The following SCAPER variants were observed in gnomAD, a reference collection of about 807,000 sequenced individuals.
The protein encoded by SCAPER is S-phase cyclin A associated protein in the ER, also known as S phase cyclin A-associated protein in the endoplasmic reticulum.
In SCAPER, 98 loss-of-function variants were observed where a neutral mutation model predicts 182.2. The ratio of observed to expected loss-of-function variants is 0.54; its 90% CI spans 0.46 to 0.64. The LOEUF (loss-of-function observed/expected upper bound fraction) is 0.64, where lower values mean the gene tolerates loss of function less well. Among genes scored for constraint, SCAPER ranks in the 30% least tolerant of loss-of-function variants. SCAPER has a pLI of 0.00. For synonymous variants in SCAPER, 605 were observed against 564.6 expected, an observed-to-expected ratio of 1.07 and a Z score of -1.01; for missense variants, 1,432 against 1,690.0, an observed-to-expected ratio of 0.85 and a Z score of 2.68.
chr15:76,664,064 A>G (rs280022), intron 21 of SCAPER, among the ~76,000 whole-genome samples: 147,863 of 152,254 alleles, frequency 0.97, 71,931 homozygotes, highest in South Asian at 1. Context: ...ACCTGAAGGA[A>G]GCAAGGAAGC....
rs368625263 is a variant in SCAPER at position 76,874,889 on chromosome 15, G to C, written c.6+8923C>G. Among the ~76,000 whole-genome samples, 368 of 152,288 alleles carry C rather than the reference G, an allele frequency of 2.4e-3. 2 individuals carry two copies. Among genetic ancestry groups the C allele is most frequent in the African/African-American group, 8.4e-3 (350 of 41,558 alleles). On this transcript the variant is annotated intron_variant, in intron 2 of 31. Transcript: ENST00000563290. ...AAGGCAGGAGGATCACTGGAGCCCA[G>C]GAGTTCAAGGTTTCAGTGAGCTATG...
chr15:76,727,129 A>T (rs954556363), intron 17 of SCAPER, among the ~76,000 whole-genome samples: 1 of 152,100 alleles, frequency 6.6e-6, no homozygotes, highest in South Asian at 2.1e-4. Context: ...GACCTAAATC[A>T]GTAGAAAAAC....
At chr15:76,857,289 C>T (rs190820608) in intron 4 of SCAPER, among the ~76,000 whole-genome samples, 3 of 151,964 alleles carry the variant, frequency 2.0e-5, no homozygotes, top group East Asian at 1.9e-4. Context: ...AAAAATTAGC[C>T]GGGCATGGTG....
chr15:76,520,268 G>C (rs2042741270), intron 23 of SCAPER, among the ~76,000 whole-genome samples: 1 of 152,068 alleles, frequency 6.6e-6, no homozygotes, highest in African/African-American at 2.4e-5. Context: ...ACCCAAGCTG[G>C]AGTGCAGTGG....
intron 11 of SCAPER, 150 bp downstream of exon 11, chr15:76,766,768 C>A: frequency 1.6e-6 from 1 of 628,878 alleles, no homozygotes; most frequent in South Asian, 2.5e-5. Flanking sequence ...GTCTAAATCA[C>A]CCTGAGAATA....
At chr15:76,671,799 A>C (rs2057036810) in intron 20 of SCAPER, among the ~76,000 whole-genome samples, 1 of 151,994 alleles carries the variant, frequency 6.6e-6, no homozygotes, top group Non-Finnish European at 1.5e-5. Flanking sequence ...GGGTGGACAA[A>C]CTACCATCAG....
intron 8 of SCAPER, among the ~76,000 whole-genome samples, chr15:76,793,700 T>A (rs1329999628): frequency 2.6e-4 from 39 of 152,228 alleles, no homozygotes; most frequent in Non-Finnish European, 4.4e-5. Context: ...TTCTTTATAA[T>A]AAACTGATAA....
At chr15:76,686,960 A>G (rs1020114030) in intron 20 of SCAPER, among the ~76,000 whole-genome samples, 1 of 152,182 alleles carries the variant, frequency 6.6e-6, no homozygotes, top group Non-Finnish European at 1.5e-5. Flanking sequence ...AGGTTTGCAT[A>G]TTAATACCAG....
chr15:76,618,347 T>C lies in SCAPER; in HGVS notation c.2711+3417A>G, dbSNP rs534809740. Among the ~76,000 whole-genome samples the C allele has an allele frequency of 7.2e-5, 11 of 152,338 alleles. No homozygotes were observed. In the East Asian group the frequency reaches 2.1e-3, roughly 29 times the overall value. On this transcript the variant is annotated intron_variant, in intron 22 of 31. Coordinates refer to ENST00000563290, the MANE Select transcript of SCAPER (RefSeq NM_020843.4). ...AGTGCAGCTTTAAAATTTTATTAAA[T>C]ATCCATTAGCTGAGTCCTATCTCAT...
At chr15:76,720,765 T>C (rs1451095665) in intron 17 of SCAPER, among the ~76,000 whole-genome samples, 1 of 152,218 alleles carries the variant, frequency 6.6e-6, no homozygotes, top group Admixed American at 6.5e-5. Context: ...TGCCCACTTT[T>C]TGATGGGGTT....
rs2066011920 is a variant in SCAPER at position 76,804,593 on chromosome 15, T to C, written c.434A>G (p.Lys145Arg). 6.2e-7 allele frequency: 1 copy of C among 1,611,562 alleles called. No individual in the cohort carries two copies. The highest frequency in any genetic ancestry group is 1.1e-5 in the South Asian group (1 of 90,886). ...MMLDNYVRDFKALIDWIQLQE... is the reference protein window; with the variant it reads ...MMLDNYVRDFRALIDWIQLQE... Reference sequence around the variant, plus strand: ...AAGCTGAATCCAGTCAATCAATGCTTTGAAATCTCTTACATAGTTATCCAG... The same window carrying C: ...AAGCTGAATCCAGTCAATCAATGCTCTGAAATCTCTTACATAGTTATCCAG... Residue 145 changes from lysine (K) to arginine (R), a missense_variant, in exon 6 of 32, where the codon AAA becomes AGA. Physicochemically the swap from Lys to Arg is conservative, Grantham distance 26. Around this residue, in one of 5 missense-constraint regions of SCAPER, gnomAD observed 480 missense variants for 510.2 expected, o/e 0.94. Coordinates refer to ENST00000563290, the MANE Select transcript of SCAPER (RefSeq NM_020843.4).
chr15:76,397,767 G>A (rs985074615), intron 27 of SCAPER, among the ~76,000 whole-genome samples: 12 of 152,142 alleles, frequency 7.9e-5, no homozygotes, highest in East Asian at 1.9e-4. Flanking sequence ...GTGAGCCACC[G>A]CGCCCGGTCA....
At chr15:76,750,727 C>T (rs987541998) in intron 15 of SCAPER, among the ~76,000 whole-genome samples, 5 of 151,652 alleles carry the variant, frequency 3.3e-5, no homozygotes, top group Non-Finnish European at 7.4e-5. Flanking sequence ...TAAAAAACAA[C>T]AAACTAGGAA....
At chr15:76,352,486 CTTT>C (rs3033117) in intron 30 of SCAPER, among the ~76,000 whole-genome samples, 121 of 137,850 alleles carry the variant, frequency 8.8e-4, no homozygotes, top group Non-Finnish European at 7.8e-4. Flanking sequence ...TTTGTATTTT[CTTT>C]TTTTTTTTTT....
intron 17 of SCAPER, among the ~76,000 whole-genome samples, chr15:76,718,820 C>T (rs776979625): frequency 2.0e-5 from 3 of 152,056 alleles, no homozygotes; most frequent in Non-Finnish European, 4.4e-5. Flanking sequence ...CACCATTAAT[C>T]ATCAGAGAAA....
At chr15:76,705,805 A>G in intron 18 of SCAPER, 98 bp downstream of exon 18, 1 of 769,916 alleles carries the variant, frequency 1.3e-6, no homozygotes, top group Admixed American at 2.9e-5. Flanking sequence ...GCAAAGATTA[A>G]GAATACAAAT....
intron 8 of SCAPER, among the ~76,000 whole-genome samples, chr15:76,782,654 A>T (rs1221498556): frequency 6.6e-6 from 1 of 152,222 alleles, no homozygotes; most frequent in African/African-American, 2.4e-5. Flanking sequence ...CAGCAAATGT[A>T]AAAGGATAAA....
At chr15:76,572,963 A>G (rs2145357579) in intron 23 of SCAPER, among the ~76,000 whole-genome samples, 1 of 151,022 alleles carries the variant, frequency 6.6e-6, no homozygotes, top group Admixed American at 6.6e-5. Context: ...GTCCACTGTC[A>G]GAATAGATTT....
intron 22 of SCAPER, among the ~76,000 whole-genome samples, chr15:76,600,906 C>A (rs566422492): frequency 8.3e-6 from 1 of 120,342 alleles, no homozygotes; most frequent in East Asian, 2.2e-4. Flanking sequence ...AAACAGAAAA[C>A]AAAAAGATCG....
Sources: allele counts gnomAD v4.1 joint callset (sites outside exome capture counted in the v4.1 genomes callset), GRCh38; gene constraint gnomAD v4.1.1; regional missense constraint gnomAD v4.1.1; transcripts MANE v1.5; gene names NCBI Gene and HGNC (gene_info 2026-07-23, HGNC 2026-07-21).